Variants in KLRB1 observed in about 807,000 individuals in gnomAD.
The protein encoded by KLRB1 is killer cell lectin like receptor B1.
Under a neutral mutation model 33.5 loss-of-function variants are expected in KLRB1, and 27 were observed. The ratio of observed to expected loss-of-function variants is 0.81; its 90% CI spans 0.59 to 1.11. The LOEUF (loss-of-function observed/expected upper bound fraction) is 1.11, where lower values mean the gene tolerates loss of function less well. Ranked by LOEUF, KLRB1 falls within the 50% of genes most tolerant of loss-of-function variation. KLRB1 has a pLI of 0.00. For synonymous variants in KLRB1, 64 were observed against 88.9 expected (o/e 0.72, Z 1.58); for missense variants, 241 against 254.1 (o/e 0.95, Z 0.35).
In KLRB1 at chr12:9,598,665, A is replaced by C. The variant is rs1041528709; in HGVS notation, c.260-12T>G. On this transcript the variant is annotated splice_polypyrimidine_tract_variant and intron_variant, in intron 3 of 5. Coordinates refer to ENST00000229402, the MANE Select transcript of KLRB1 (RefSeq NM_002258.3). ...GAGACCCGGTCTCTCTAAAGTAAAA[A>C]ACAGAAATAAGAAATAAATGTTATA... is the stretch of plus-strand genomic sequence containing the variant. The C allele has an allele frequency of 4.4e-6, 7 of 1,593,624 alleles. No homozygotes were observed. In the African/African-American group the frequency reaches 9.5e-5, roughly 22 times the overall value.
Position 9,594,917 on chromosome 12 carries a change from G to A in KLRB1, c.*357C>T, listed in dbSNP as rs2058428. The A allele has an allele frequency of 0.59, 104,813 of 177,742 alleles. 32,169 individuals are homozygous for A. Among genetic ancestry groups the A allele is most frequent in the African/African-American group, 0.77 (32,649 of 42,196 alleles). 11.0% of individuals were successfully genotyped at this position (177,742 alleles called of 1,614,324 possible). On this transcript the variant is annotated 3_prime_UTR_variant, in exon 6 of 6. Coordinates refer to ENST00000229402, the MANE Select transcript of KLRB1 (RefSeq NM_002258.3). ...CAGAGGAATCTTCACGGCTTGCCGC[G>A]TGCGGGAAGAGACAGGTCAGCTCTC... is the stretch of plus-strand genomic sequence containing the variant.
In KLRB1 at chr12:9,606,706, TAAAA is replaced by T. The variant is rs1565444127; in HGVS notation, c.85+1045_85+1048del. Among the ~76,000 whole-genome samples, 704 of 74,204 alleles carry T rather than the reference TAAAA, an allele frequency of 9.5e-3. 37 individuals are homozygous for T. The highest frequency in any genetic ancestry group is 0.016 in the East Asian group (53 of 3,294). 48.7% of individuals were successfully genotyped at this position (74,204 alleles called of 152,430 possible). A position where few individuals can be genotyped will look rare whatever the true frequency, so the allele number is the denominator to read the frequency against. ...TGTATAAAAAGTATATATATATATATAAAATATATAAAATATATGTATAAAAAGT... is the reference window on the plus strand; with the variant it reads ...TGTATAAAAAGTATATATATATATATTATATAAAATATATGTATAAAAAGT... On this transcript the variant is annotated intron_variant, in intron 1 of 5. Transcript: ENST00000229402.
At chr12:9,598,008 A>G in intron 5 of KLRB1, 38 bp downstream of exon 5, 1 of 943,226 alleles carries the variant, frequency 1.1e-6, no homozygotes, top group Non-Finnish European at 1.7e-6. Flanking sequence ...TAAACCTGAT[A>G]TAAATTGAAT....
At chr12:9,598,763 A>G in intron 3 of KLRB1, 110 bp from the exon 4 acceptor site, 1 of 678,106 alleles carries the variant, frequency 1.5e-6, no homozygotes, top group Non-Finnish European at 2.4e-6. Flanking sequence ...AAAGTTTTTG[A>G]TTATCACTGT....
chr12:9,600,656 G>A (rs984333176), intron 2 of KLRB1, among the ~76,000 whole-genome samples: 2 of 152,142 alleles, frequency 1.3e-5, no homozygotes, highest in African/African-American at 4.8e-5. Flanking sequence ...ATGGATTAAG[G>A]GCGGTGCAAG....
intron 1 of KLRB1, among the ~76,000 whole-genome samples, chr12:9,602,219 G>A (rs1021505293): frequency 6.6e-6 from 1 of 152,074 alleles, no homozygotes; most frequent in African/African-American, 2.4e-5. Flanking sequence ...CATAACATGC[G>A]CTTATGTCTA....
intron 1 of KLRB1, 26 bp from the exon 2 acceptor site, chr12:9,601,625 A>AACAC: frequency 1.5e-6 from 2 of 1,308,634 alleles, no homozygotes; most frequent in Non-Finnish European, 2.2e-6. Flanking sequence ...GAAAAACACA[A>AACAC]AAACAAACAA....
chr12:9,607,335 C>CCTTCCTTCCTGCCTGCCTTTCTTT (rs1864621978), intron 1 of KLRB1, among the ~76,000 whole-genome samples: 4 of 65,170 alleles, frequency 6.1e-5, no homozygotes, highest in Non-Finnish European at 7.2e-5. Flanking sequence ...CTCTTTCTTT[C>CCTTCCTTCCTGCCTGCCTTTCTTT]CTTTCTTTCT....
rs1259844256 is a variant in KLRB1, at chr12:9,601,550, A to C, written c.135T>G (p.Cys45Trp). 6.2e-7 allele frequency: 1 copy of C among 1,613,848 alleles called. No homozygotes were observed. Among genetic ancestry groups the C allele is most frequent in the East Asian group, 2.2e-5 (1 of 44,894 alleles). Residue 45 changes from cysteine to tryptophan, a missense_variant, in exon 2 of 6, where the codon TGT becomes TGG. Coordinates refer to ENST00000229402, the MANE Select transcript of KLRB1 (RefSeq NM_002258.3). ...CCAAGACAAGGAGAATAATCCCAGC[A>C]CAGCTAAGTTTCAGGGCAAATTGAT... ...PWHQFALKLS[C>W]AGIILLVLVV...
intron 3 of KLRB1, among the ~76,000 whole-genome samples, 163 bp downstream of exon 3, chr12:9,599,604 C>T (rs1327127092): frequency 6.6e-6 from 1 of 152,218 alleles, no homozygotes; most frequent in African/African-American, 2.4e-5. Flanking sequence ...ATGTGACCCT[C>T]AGCAAGTTGT....
At chr12:9,602,511 A>G (rs998717560) in intron 1 of KLRB1, among the ~76,000 whole-genome samples, 17 of 152,150 alleles carry the variant, frequency 1.1e-4, no homozygotes, top group African/African-American at 4.1e-4. Context: ...TTCTGGTAGT[A>G]TATTGCTCAG....
At position 9,597,770 on chromosome 12, in the gene KLRB1, T is replaced by G. The variant is rs774576904; in HGVS notation, c.530+276A>C. 4.4e-4 allele frequency among the ~76,000 whole-genome samples: 67 copies of G among 152,328 alleles called. 1 individual carries two copies. Among genetic ancestry groups the G allele is most frequent in the Non-Finnish European group, 7.5e-4 (51 of 68,020 alleles). ...CCAGTGGTCTCCAGATAATCACTATTTTTAATTTAATGTGCCCGTTTCAAA... is the reference window on the plus strand; with the variant it reads ...CCAGTGGTCTCCAGATAATCACTATGTTTAATTTAATGTGCCCGTTTCAAA... On this transcript the variant is annotated intron_variant, in intron 5 of 5. Transcript: ENST00000229402.
intron 1 of KLRB1, among the ~76,000 whole-genome samples, chr12:9,604,552 A>G (rs1864579301): frequency 6.6e-6 from 1 of 152,094 alleles, no homozygotes; most frequent in Admixed American, 6.6e-5. Context: ...GATGCCTCCT[A>G]CAATACCACA....
chr12:9,606,744 A>T (rs1565444207), intron 1 of KLRB1, among the ~76,000 whole-genome samples: 18 of 24,424 alleles, frequency 7.4e-4, no homozygotes, highest in Middle Eastern at 0.021. Flanking sequence ...GTATATATAT[A>T]TATATATATA....
intron 1 of KLRB1, 63 bp downstream of exon 1, chr12:9,607,692 G>T (rs1240389381): frequency 3.7e-6 from 4 of 1,079,536 alleles, no homozygotes; most frequent in African/African-American, 3.1e-5. Flanking sequence ...AGCCATAAAT[G>T]TAACAGGAAG....
intron 1 of KLRB1, among the ~76,000 whole-genome samples, chr12:9,607,409 C>CTTTCTTTCTTTCT (rs1864632674): frequency 2.3e-5 from 2 of 88,106 alleles, no homozygotes; most frequent in Non-Finnish European, 4.7e-5. Flanking sequence ...TCTTTCTTTT[C>CTTTCTTTCTTTCT]TTTCTTTCTT....
At chr12:9,607,583 AT>A in intron 1 of KLRB1, 171 bp downstream of exon 1, 7 of 554,058 alleles carry the variant, frequency 1.3e-5, no homozygotes, top group Non-Finnish European at 1.3e-5. Flanking sequence ...TGAGGTTTAA[AT>A]TTTTTTTCCC....
chr12:9,607,735 G>A lies in KLRB1; in HGVS notation c.85+20C>T. The A allele has an allele frequency of 6.5e-7, 1 of 1,537,498 alleles. No homozygotes were observed. The highest frequency in any genetic ancestry group is 2.3e-5 in the East Asian group (1 of 44,432). On this transcript the variant is annotated intron_variant, in intron 1 of 5. Transcript: ENST00000229402. The stretch of plus-strand genomic sequence containing the variant: ...TCTGGAAGACATACAAATGCCGAAA[G>A]GAAAATTAAAGCCACTTACCCCGAG...
At position 9,606,760 on chromosome 12, in the gene KLRB1, A is replaced by ATATTTT. The variant is rs1336534922; in HGVS notation, c.85+994_85+995insAAAATA. On this transcript the variant is annotated intron_variant, in intron 1 of 5. Transcript: ENST00000229402. ...TATATATATATATATATATATATATATTTTTTTTTTTTTTTTGAGATAGTC... is the reference window on the plus strand; with the variant it reads ...TATATATATATATATATATATATATATATTTTTTTTTTTTTTTTTTTTGAGATAGTC... 4.7e-5 allele frequency among the ~76,000 whole-genome samples: 3 copies of ATATTTT among 63,742 alleles called. 1 individual carries two copies. Among genetic ancestry groups the ATATTTT allele is most frequent in the African/African-American group, 2.5e-4 (3 of 12,098 alleles). 41.8% of individuals were successfully genotyped at this position (63,742 alleles called of 152,430 possible).
Sources: allele counts gnomAD v4.1 joint callset (sites outside exome capture counted in the v4.1 genomes callset), GRCh38; gene constraint gnomAD v4.1.1; transcripts MANE v1.5; gene names NCBI Gene and HGNC (gene_info 2026-07-23, HGNC 2026-07-21).